Variants in KCNQ2 observed in about 807,000 individuals in gnomAD.
KCNQ2 encodes the protein potassium voltage-gated channel subfamily Q member 2.
KCNQ2 carries 14 observed loss-of-function variants against 84.8 expected under a neutral mutation model. The observed-to-expected ratio is 0.17, with a 90% confidence interval of 0.11 to 0.26. KCNQ2 has a LOEUF of 0.26. Ranked by LOEUF, KCNQ2 falls within the 10% of genes least tolerant of loss-of-function variation. The pLI, the probability that KCNQ2 is intolerant of heterozygous loss-of-function variation, is 1.00. For missense variants in KCNQ2, 788 were observed against 1,254.0 expected (o/e 0.63, Z 5.61); for synonymous variants, 599 against 554.1 (o/e 1.08, Z -1.14).
intron 10 of KCNQ2, among the ~76,000 whole-genome samples, 190 bp downstream of exon 10, chr20:63,428,177 G>C (rs1301959744): frequency 6.6e-6 from 1 of 152,172 alleles, no homozygotes; most frequent in Non-Finnish European, 1.5e-5. Flanking sequence ...TGCCCCTCTG[G>C]GGGTGGGAGC....
rs11698085 is a variant in KCNQ2 at position 63,404,948 on chromosome 20, G to C, written c.*1696C>G. 0.099 allele frequency: 15,011 copies of C among 152,332 alleles called. 931 individuals are homozygous for C. Among genetic ancestry groups the C allele is most frequent in the Non-Finnish European group, 0.14 (9,234 of 68,058 alleles). 9.4% of individuals were successfully genotyped at this position (152,332 alleles called of 1,614,324 possible). ...CAGGGCCTGGGAGTGCCCTGGCCGGGCTGGGGGTAGGCAGAGAGGCCAGGG... is the reference window on the plus strand; with the variant it reads ...CAGGGCCTGGGAGTGCCCTGGCCGGCCTGGGGGTAGGCAGAGAGGCCAGGG... On this transcript the variant is annotated 3_prime_UTR_variant, in exon 17 of 17. Transcript: ENST00000359125.
At chr20:63,455,127 T>C (rs915384214) in intron 1 of KCNQ2, among the ~76,000 whole-genome samples, 1 of 151,804 alleles carries the variant, frequency 6.6e-6, no homozygotes, top group Non-Finnish European at 1.5e-5. Context: ...GGGAAGACGA[T>C]GGGAGGATGG....
chr20:63,433,873 A>T lies in KCNQ2; in HGVS notation c.1054T>A (p.Ser352Thr). ...CACGTGGAGTGCAGGTCTGTGCGCG[A>T]GAGGTTGGTGGCGTAGAATCTCCAG... is the stretch of plus-strand genomic sequence containing the variant. Reference protein sequence around the residue: ...SAWRFYATNLSRTDLHSTWQY... With the variant: ...SAWRFYATNLTRTDLHSTWQY... Residue 352 changes from serine (S) to threonine (T), a missense_variant, in exon 8 of 17, where the codon TCG (serine) becomes ACG (threonine). This residue lies in a region of KCNQ2 where 16 missense variants were observed against 38.7 expected (regional missense o/e 0.41). Transcript: ENST00000359125. 6.2e-7 allele frequency: 1 copy of T among 1,613,764 alleles called. No individual in the cohort carries two copies. The highest frequency in any genetic ancestry group is 8.5e-7 in the Non-Finnish European group (1 of 1,179,898).
In KCNQ2 at chr20:63,432,332, CTCCACCCTCAGGGAAGGA is replaced by C. The variant is rs1239154220; in HGVS notation, c.1119-981_1119-964del. Among the ~76,000 whole-genome samples, 213 of 141,936 alleles carry C rather than the reference CTCCACCCTCAGGGAAGGA, an allele frequency of 1.5e-3. 2 individuals are homozygous for C. Among genetic ancestry groups the C allele is most frequent in the African/African-American group, 5.3e-3 (198 of 37,092 alleles). 93.1% of individuals were successfully genotyped at this position (141,936 alleles called of 152,430 possible). ...GAGAAGGCTCCACCCTCTGGGAAGG[CTCCACCCTCAGGGAAGGA>C]TCCACCCACAGGGAAGGCTCCACCC... On this transcript the variant is annotated intron_variant, in intron 8 of 16. Transcript: ENST00000359125.
chr20:63,427,986 G>T (rs1357270246), intron 10 of KCNQ2, among the ~76,000 whole-genome samples: 1 of 152,236 alleles, frequency 6.6e-6, no homozygotes, highest in East Asian at 1.9e-4. Flanking sequence ...TGGGCTTTGG[G>T]CCTGAAGGAG....
chr20:63,461,491 AAAC>A (rs1315920620), intron 1 of KCNQ2, among the ~76,000 whole-genome samples: 1 of 152,172 alleles, frequency 6.6e-6, no homozygotes, highest in Admixed American at 6.5e-5. Flanking sequence ...GGCGGATGCC[AAAC>A]AAGAATCACA....
At chr20:63,416,526 C>A (rs1373410650) in intron 12 of KCNQ2, among the ~76,000 whole-genome samples, 4 of 152,216 alleles carry the variant, frequency 2.6e-5, no homozygotes, top group Non-Finnish European at 5.9e-5. Context: ...CCATGCTTAG[C>A]AGCCACGGAA....
chr20:63,428,899 G>A (rs573844335), intron 9 of KCNQ2, among the ~76,000 whole-genome samples: 34 of 152,256 alleles, frequency 2.2e-4, no homozygotes, highest in African/African-American at 7.5e-4. Context: ...TGGGGATACA[G>A]AAAAGGATTC....
At chr20:63,410,977 C>G (rs1316607994) in intron 15 of KCNQ2, 2 of 455,914 alleles carry the variant, frequency 4.4e-6, no homozygotes, top group Admixed American at 2.4e-5. Flanking sequence ...CCCTGGGAGG[C>G]AAGAAGGCCT....
At chr20:63,427,515 C>G (rs1392851547) in intron 10 of KCNQ2, among the ~76,000 whole-genome samples, 1 of 152,238 alleles carries the variant, frequency 6.6e-6, no homozygotes, top group African/African-American at 2.4e-5. Context: ...GTCCTAGACG[C>G]CAGAGTCCAA....
Position 63,413,573 on chromosome 20 carries a change from C to T in KCNQ2, c.1640G>A (p.Arg547Gln), listed in dbSNP as rs760984494. 5 of 1,611,526 alleles carry T rather than the reference C, an allele frequency of 3.1e-6. No homozygotes were observed. Among genetic ancestry groups the T allele is most frequent in the South Asian group, 1.1e-5 (1 of 91,048 alleles). Residue 547 changes from arginine (R) to glutamine (Q), a missense_variant, in exon 15 of 17, where the codon CGG becomes CAG. Transcript: ENST00000359125. The part of the protein sequence containing the change: ...KVSIRAVCVM[R>Q]FLVSKRKFKE... ...GAACTTCCGCTTGGACACCAGGAAC[C>T]GCATGACACTGCAGGGGGGTGGGTG...
chr20:63,444,151 G>C (rs1294070408), intron 4 of KCNQ2, among the ~76,000 whole-genome samples: 1 of 152,260 alleles, frequency 6.6e-6, no homozygotes, highest in Non-Finnish European at 1.5e-5. Context: ...GCAAGGTGGA[G>C]GGACAGCACA....
At chr20:63,432,729 T>C (rs77053779) in intron 8 of KCNQ2, among the ~76,000 whole-genome samples, 9,262 of 105,876 alleles carry the variant, frequency 0.087, 636 homozygotes, top group Non-Finnish European at 0.12. Flanking sequence ...CAGGGAAGGC[T>C]CCACCCTCAG....
intron 5 of KCNQ2, among the ~76,000 whole-genome samples, chr20:63,441,986 T>G (rs1253275141): frequency 6.6e-6 from 1 of 152,138 alleles, no homozygotes; most frequent in Non-Finnish European, 1.5e-5. Flanking sequence ...GGGCCAGATC[T>G]GTTCAGACCT....
At chr20:63,469,998 G>GC (rs1421548474) in intron 1 of KCNQ2, among the ~76,000 whole-genome samples, 1 of 152,226 alleles carries the variant, frequency 6.6e-6, no homozygotes, top group Non-Finnish European at 1.5e-5. Flanking sequence ...AGAGTGTGAT[G>GC]CCCCCCAGCA....
chr20:63,467,731 G>A (rs983319272), intron 1 of KCNQ2, among the ~76,000 whole-genome samples: 1 of 152,204 alleles, frequency 6.6e-6, no homozygotes, highest in Non-Finnish European at 1.5e-5. Context: ...CTCAGCCTGT[G>A]CCGTGAGAAG....
chr20:63,408,128 G>A lies in KCNQ2; in HGVS notation c.1887+285C>T. Reference sequence around the variant, plus strand: ...GTACAACTTCCGGCACGTTCCACAAGGAACCCCTGAGGGATCCACCTCTCA... The same window carrying A: ...GTACAACTTCCGGCACGTTCCACAAAGAACCCCTGAGGGATCCACCTCTCA... On this transcript the variant is annotated intron_variant, in intron 16 of 16. Coordinates refer to ENST00000359125, the MANE Select transcript of KCNQ2 (RefSeq NM_172107.4). This position sits in a 1 kb window ranked among gnomAD's most constrained non-coding sequence, Gnocchi z 5.0. 2 of 457,928 alleles carry A rather than the reference G, an allele frequency of 4.4e-6. No individual in the cohort carries two copies. The highest frequency in any genetic ancestry group is 8.1e-6 in the Non-Finnish European group (2 of 247,262). 28.4% of individuals were successfully genotyped at this position (457,928 alleles called of 1,614,324 possible). A position where few individuals can be genotyped will look rare whatever the true frequency, so the allele number is the denominator to read the frequency against.
chr20:63,409,321 ATG>A (rs916784705), intron 15 of KCNQ2, among the ~76,000 whole-genome samples: 4 of 152,212 alleles, frequency 2.6e-5, no homozygotes, highest in African/African-American at 9.6e-5. Context: ...GCGTGTGTGC[ATG>A]TGTGTGTGTA....
At chr20:63,449,511 G>A (rs1205484382) in intron 1 of KCNQ2, among the ~76,000 whole-genome samples, 3 of 152,364 alleles carry the variant, frequency 2.0e-5, no homozygotes, top group Admixed American at 6.5e-5. Flanking sequence ...ACAGGTCAGC[G>A]TTGGCCGCAG....
Sources: allele counts gnomAD v4.1 joint callset (sites outside exome capture counted in the v4.1 genomes callset), GRCh38; gene constraint gnomAD v4.1.1; regional missense constraint gnomAD v4.1.1; non-coding constraint Gnocchi (gnomAD v3.1); transcripts MANE v1.5; gene names NCBI Gene and HGNC (gene_info 2026-07-23, HGNC 2026-07-21).